The following TBL1XR1 variants were observed in gnomAD, a reference collection of about 807,000 sequenced individuals.
TBL1XR1 encodes TBL1X/Y related 1, also known as F-box-like/WD repeat-containing protein TBL1XR1.
A neutral mutation model predicts 66.9 loss-of-function variants in TBL1XR1; 5 were observed. That is an observed-to-expected ratio of 0.07 (90% CI 0.04 to 0.16). TBL1XR1 has a LOEUF of 0.16. Among genes scored for constraint, TBL1XR1 ranks in the 10% least tolerant of loss-of-function variants. The pLI is 1.00. For missense variants in TBL1XR1, 238 were observed against 623.2 expected, an observed-to-expected ratio of 0.38 and a Z score of 6.58; for synonymous variants, 210 against 206.0, an observed-to-expected ratio of 1.02 and a Z score of -0.17.
In TBL1XR1 at chr3:177,081,134, G is replaced by T. The variant is rs57983645; in HGVS notation, c.-45-16112C>A. Among the ~76,000 whole-genome samples, 521 of 152,292 alleles carry T rather than the reference G, an allele frequency of 3.4e-3. 3 individuals carry two copies. The highest frequency in any genetic ancestry group is 0.012 in the African/African-American group (490 of 41,556). On this transcript the variant is annotated intron_variant, in intron 2 of 15. Transcript: ENST00000457928. ...ATGCAAGTCCACTACTTAGTCATTT[G>T]AACATTTCACCTTGGCAATACATAG...
chr3:177,156,317 G>C (rs1489449035), intron 1 of TBL1XR1, among the ~76,000 whole-genome samples: 1 of 151,426 alleles, frequency 6.6e-6, no homozygotes, highest in Non-Finnish European at 1.5e-5. Flanking sequence ...GGCCAACATG[G>C]CAAAACCCCC....
chr3:177,087,367 C>T (rs879379894), intron 2 of TBL1XR1, among the ~76,000 whole-genome samples: 1 of 151,916 alleles, frequency 6.6e-6, no homozygotes, highest in Non-Finnish European at 1.5e-5. Context: ...TTGTAATAAA[C>T]TCAAAATGAT....
At chr3:177,121,312 T>G (rs1726945405) in intron 1 of TBL1XR1, among the ~76,000 whole-genome samples, 2 of 152,308 alleles carry the variant, frequency 1.3e-5, no homozygotes, top group South Asian at 2.1e-4. Flanking sequence ...CAGATAACTG[T>G]TGAAGCTAAC....
chr3:177,067,286 G>A (rs543131568), intron 2 of TBL1XR1, among the ~76,000 whole-genome samples: 1 of 152,246 alleles, frequency 6.6e-6, no homozygotes, highest in South Asian at 2.1e-4. Context: ...TTTATTTTTA[G>A]GATTTCCCAA....
intron 12 of TBL1XR1, among the ~76,000 whole-genome samples, chr3:177,037,122 T>C (rs1714905572): frequency 6.6e-6 from 1 of 152,240 alleles, no homozygotes; most frequent in African/African-American, 2.4e-5. Context: ...TTCTCTGCTA[T>C]GTATCAGTTT....
intron 1 of TBL1XR1, among the ~76,000 whole-genome samples, chr3:177,103,548 A>G (rs1302699671): frequency 1.3e-5 from 2 of 152,328 alleles, no homozygotes; most frequent in East Asian, 3.9e-4. Context: ...TTTAACATGG[A>G]AAAATTCTAA....
chr3:177,114,006 T>C (rs1004162263), intron 1 of TBL1XR1, among the ~76,000 whole-genome samples: 2 of 152,164 alleles, frequency 1.3e-5, no homozygotes, highest in African/African-American at 4.8e-5. Flanking sequence ...GGGTAAATGT[T>C]GGTCAAAGGA....
chr3:177,197,563 C>CGCG (rs550182398), upstream of TBL1XR1, among the ~76,000 whole-genome samples: 1,609 of 144,348 alleles, frequency 0.011, 19 homozygotes, highest in East Asian at 0.038. Flanking sequence ...TCGCGAGGCC[C>CGCG]GCGGCGGCGG....
At chr3:177,057,088 C>T (rs986241428) in intron 3 of TBL1XR1, among the ~76,000 whole-genome samples, 2 of 152,170 alleles carry the variant, frequency 1.3e-5, no homozygotes, top group African/African-American at 4.8e-5. Context: ...TCTGTCTCTC[C>T]AGTCTCATCT....
intron 1 of TBL1XR1, among the ~76,000 whole-genome samples, chr3:177,138,907 G>C (rs1342489879): frequency 6.6e-6 from 1 of 152,104 alleles, no homozygotes; most frequent in African/African-American, 2.4e-5. Flanking sequence ...AAGGAGTACT[G>C]CTGGTCCATA....
intron 1 of TBL1XR1, among the ~76,000 whole-genome samples, chr3:177,109,775 G>T (rs1020106954): frequency 6.6e-6 from 1 of 152,042 alleles, no homozygotes; most frequent in African/African-American, 2.4e-5. Flanking sequence ...AAGTTGGGGG[G>T]AAGAGAGGTG....
chr3:177,046,099 C>T, intron 10 of TBL1XR1, 30 bp downstream of exon 10: 1 of 1,501,956 alleles, frequency 6.7e-7, no homozygotes, highest in Non-Finnish European at 8.9e-7. Flanking sequence ...AAGCAAGCTC[C>T]AGCTTTCACG....
rs571141960 is a variant in TBL1XR1, at chr3:177,108,096, A to C, written c.-121-9555T>G. On this transcript the variant is annotated intron_variant, in intron 1 of 15. Coordinates refer to ENST00000457928, the MANE Select transcript of TBL1XR1 (RefSeq NM_024665.7). ...TGTTGACTCTGAAGCAATTCCCAGAACCATCCAAATTTCTACAGATCCAGG... is the reference window on the plus strand; with the variant it reads ...TGTTGACTCTGAAGCAATTCCCAGACCCATCCAAATTTCTACAGATCCAGG... Among the ~76,000 whole-genome samples the C allele has an allele frequency of 2.6e-5, 4 of 152,310 alleles. No individual in the cohort carries two copies. The South Asian group carries it at 8.3e-4, about 32-fold the overall frequency.
chr3:177,082,283 TGG>T (rs1721490177), intron 2 of TBL1XR1, among the ~76,000 whole-genome samples: 2 of 152,124 alleles, frequency 1.3e-5, no homozygotes, highest in African/African-American at 4.8e-5. Context: ...TCCAAATTTT[TGG>T]TTGCTAGAAA....
At chr3:177,138,742 C>CA (rs775365640) in intron 1 of TBL1XR1, among the ~76,000 whole-genome samples, 6 of 151,652 alleles carry the variant, frequency 4.0e-5, no homozygotes, top group Non-Finnish European at 7.4e-5. Flanking sequence ...GGGCTGGAAG[C>CA]AAAAAGGGAG....
intron 1 of TBL1XR1, among the ~76,000 whole-genome samples, chr3:177,113,294 C>T (rs73187543): frequency 0.068 from 10,407 of 152,214 alleles, 523 homozygotes; most frequent in Admixed American, 0.17. Context: ...AGGAACACTT[C>T]CTGACAGCAA....
chr3:177,064,948 G>A lies in TBL1XR1; in HGVS notation c.30C>T (p.Phe10=), dbSNP rs1433318127. The A allele has an allele frequency of 2.6e-6, 4 of 1,550,682 alleles. No homozygotes were observed. Among genetic ancestry groups the A allele is most frequent in the Non-Finnish European group, 2.6e-6 (3 of 1,147,160 alleles). MSISSDEVN[F]LVYRYLQESG... is the part of the protein sequence containing the mutation. ...ACTCTTGCAAGTATCTATATACCAA[G>A]AAGTTGACCTCATCACTGCTTATAC... Residue 10 remains phenylalanine, a synonymous_variant, in exon 3 of 16, where the codon TTC becomes TTT. Transcript: ENST00000457928.
At chr3:177,045,744 A>T (rs534296666) in intron 10 of TBL1XR1, among the ~76,000 whole-genome samples, 1 of 152,220 alleles carries the variant, frequency 6.6e-6, no homozygotes, top group Non-Finnish European at 1.5e-5. Flanking sequence ...TATTATTATT[A>T]TTATTATCCC....
At chr3:177,036,729 T>C (rs532209439) in intron 12 of TBL1XR1, among the ~76,000 whole-genome samples, 45 of 152,328 alleles carry the variant, frequency 3.0e-4, no homozygotes, top group South Asian at 1.7e-3. Flanking sequence ...TCTAAAAACA[T>C]AGCAGATACT....
Sources: gnomAD v4.1 joint callset for allele counts (sites outside exome capture counted in the v4.1 genomes callset) on GRCh38, gnomAD v4.1.1 for gene constraint, MANE v1.5 for transcripts, NCBI Gene and HGNC (gene_info 2026-07-23, HGNC 2026-07-21) for gene names.